Variants in SLIT2 observed in about 807,000 individuals in gnomAD.
SLIT2 encodes the protein slit guidance ligand 2.
In SLIT2, 41 loss-of-function variants were observed where a neutral mutation model predicts 185.7. The ratio of observed to expected loss-of-function variants is 0.22; its 90% CI spans 0.17 to 0.29. The LOEUF is 0.29. SLIT2 is among the 10% of genes least tolerant of loss of function. The pLI, the probability that SLIT2 is intolerant of heterozygous loss-of-function variation, is 1.00. For synonymous variants in SLIT2, 693 were observed against 680.2 expected (o/e 1.02, Z -0.29); for missense variants, 1,571 against 1,909.0 (o/e 0.82, Z 3.30).
rs139362110 is a variant in SLIT2 at position 20,464,201 on chromosome 4, A to G, written c.396-3551A>G. 7.2e-5 allele frequency among the ~76,000 whole-genome samples: 11 copies of G among 152,212 alleles called. No homozygotes were observed. The East Asian group carries it at 1.9e-3, about 27-fold the overall frequency. On this transcript the variant is annotated intron_variant, in intron 4 of 36. Transcript: ENST00000504154. ...ATTGTCTTTTCCCCTGCTGTCATAT[A>G]AGTCTTTATCTAGTCTTCCAAATTC...
At chr4:20,266,051 T>A (rs1362272877) in intron 3 of SLIT2, among the ~76,000 whole-genome samples, 1 of 151,882 alleles carries the variant, frequency 6.6e-6, no homozygotes, top group East Asian at 1.9e-4. Context: ...TGAGATAACT[T>A]GTATAAACCT....
At chr4:20,551,032 G>T in intron 25 of SLIT2, 134 bp downstream of exon 25, 1 of 514,220 alleles carries the variant, frequency 1.9e-6, no homozygotes, top group Admixed American at 3.7e-5. Context: ...AAAATGTGAA[G>T]ATTTTCAAAC....
intron 29 of SLIT2, among the ~76,000 whole-genome samples, chr4:20,575,918 G>A (rs191115701): frequency 6.6e-6 from 1 of 151,296 alleles, no homozygotes; most frequent in East Asian, 2.0e-4. Flanking sequence ...GAAAAGTTCG[G>A]GTTTCTCTTC....
chr4:20,408,730 C>G (rs1726968018), intron 4 of SLIT2, among the ~76,000 whole-genome samples: 1 of 152,124 alleles, frequency 6.6e-6, no homozygotes, highest in Admixed American at 6.5e-5. Flanking sequence ...GAGCTGCAGT[C>G]TGAGAAGCCT....
intron 4 of SLIT2, among the ~76,000 whole-genome samples, chr4:20,447,077 G>T (rs1409787344): frequency 6.6e-6 from 1 of 152,162 alleles, no homozygotes; most frequent in Non-Finnish European, 1.5e-5. Context: ...TGCCTCGAGG[G>T]TGTACCTTGC....
chr4:20,397,711 A>T (rs1726016475), intron 4 of SLIT2, among the ~76,000 whole-genome samples: 1 of 151,814 alleles, frequency 6.6e-6, no homozygotes. Flanking sequence ...AATTTTTTAA[A>T]TTGAGACTAT....
chr4:20,601,854 C>T (rs182597368), intron 33 of SLIT2, among the ~76,000 whole-genome samples: 4 of 152,142 alleles, frequency 2.6e-5, no homozygotes, highest in Admixed American at 2.6e-4. Context: ...TGCCATAATT[C>T]TATGTTATAT....
intron 26 of SLIT2, among the ~76,000 whole-genome samples, chr4:20,561,357 C>T (rs1724673332): frequency 1.3e-5 from 2 of 151,778 alleles, no homozygotes; most frequent in Admixed American, 6.6e-5. Flanking sequence ...AAAAACTTCA[C>T]AATTCTCAGC....
intron 4 of SLIT2, among the ~76,000 whole-genome samples, chr4:20,289,607 G>T (rs1439723896): frequency 2.0e-5 from 3 of 152,108 alleles, no homozygotes; most frequent in African/African-American, 7.2e-5. Context: ...AAACCCTATG[G>T]TGCAGATGCT....
rs184549722 is a variant in SLIT2 at position 20,557,129 on chromosome 4, C to T, written c.2725+3161C>T. ...AAGCCTTCTCTGTCACATGAAAGTG[C>T]AAGGTGAAGCTCCAAGTACTGATGT... On this transcript the variant is annotated intron_variant, in intron 26 of 36. Coordinates refer to ENST00000504154, the MANE Select transcript of SLIT2 (RefSeq NM_004787.4). Among the ~76,000 whole-genome samples, 353 of 152,176 alleles carry T rather than the reference C, an allele frequency of 2.3e-3. 4 individuals are homozygous for T. The highest frequency in any genetic ancestry group is 8.2e-3 in the African/African-American group (342 of 41,458).
chr4:20,315,806 A>G (rs1718524865), intron 4 of SLIT2, among the ~76,000 whole-genome samples: 1 of 152,072 alleles, frequency 6.6e-6, no homozygotes, highest in Non-Finnish European at 1.5e-5. Context: ...ATTGAAATAT[A>G]TTGAGAATTC....
Position 20,567,553 on chromosome 4 carries a change from C to G in SLIT2, c.2886C>G (p.Ile962Met), listed in dbSNP as rs1217426510. 3.1e-6 allele frequency: 5 copies of G among 1,613,252 alleles called. No individual in the cohort carries two copies. The African/African-American group carries it at 6.7e-5, about 22-fold the overall frequency. The change falls in exon 28 of 37, where the codon ATC (isoleucine) becomes ATG (methionine). Residue 962 changes from isoleucine (I) to methionine (M), a missense_variant. Transcript: ENST00000504154. ...QDCDVPIHACISNPCKHGGTC... is the reference protein window; with the variant it reads ...QDCDVPIHACMSNPCKHGGTC... ...GTGATGTCCCAATTCATGCCTGCATCAGTAACCCATGTAAACATGGAGGAA... is the reference window on the plus strand; with the variant it reads ...GTGATGTCCCAATTCATGCCTGCATGAGTAACCCATGTAAACATGGAGGAA...
intron 26 of SLIT2, among the ~76,000 whole-genome samples, chr4:20,555,548 C>A (rs1487024003): frequency 1.3e-5 from 2 of 151,998 alleles, no homozygotes; most frequent in African/African-American, 4.8e-5. Context: ...AATATGTTAG[C>A]TGCTGATTGT....
chr4:20,416,832 C>T (rs1230091801), intron 4 of SLIT2, among the ~76,000 whole-genome samples: 1 of 152,192 alleles, frequency 6.6e-6, no homozygotes, highest in Non-Finnish European at 1.5e-5. Context: ...TCACATTAGC[C>T]TCAATTGGAA....
intron 4 of SLIT2, among the ~76,000 whole-genome samples, chr4:20,429,980 T>C (rs1728846137): frequency 6.6e-6 from 1 of 152,190 alleles, no homozygotes; most frequent in African/African-American, 2.4e-5. Context: ...ATATTTTCAT[T>C]TAGTGCTTTT....
At chr4:20,518,932 A>G (rs1720565767) in intron 11 of SLIT2, among the ~76,000 whole-genome samples, 1 of 152,016 alleles carries the variant, frequency 6.6e-6, no homozygotes, top group African/African-American at 2.4e-5. Context: ...AACAAAACTA[A>G]CATAATACTT....
chr4:20,573,195 TA>T, intron 29 of SLIT2: 1 of 702,942 alleles, frequency 1.4e-6, no homozygotes, highest in East Asian at 2.7e-5. Context: ...TATTGCAATG[TA>T]AAAAGTCTTT....
At chr4:20,602,717 G>A (rs1205952070) in intron 33 of SLIT2, among the ~76,000 whole-genome samples, 3 of 152,166 alleles carry the variant, frequency 2.0e-5, no homozygotes, top group African/African-American at 7.2e-5. Flanking sequence ...TATGTACTTT[G>A]AGAGCTGATT....
chr4:20,313,503 A>C (rs1036282222), intron 4 of SLIT2, among the ~76,000 whole-genome samples: 2 of 152,058 alleles, frequency 1.3e-5, no homozygotes, highest in Non-Finnish European at 2.9e-5. Flanking sequence ...TCACATTTCA[A>C]TGTGAGATTT....
Sources: allele counts gnomAD v4.1 joint callset (sites outside exome capture counted in the v4.1 genomes callset), GRCh38; gene constraint gnomAD v4.1.1; transcripts MANE v1.5; gene names NCBI Gene and HGNC (gene_info 2026-07-23, HGNC 2026-07-21).